The following TSPAN7 variants were observed in gnomAD, a reference collection of about 807,000 sequenced individuals.
TSPAN7 encodes the protein tetraspanin-7.
A neutral mutation model predicts 17.6 loss-of-function variants in TSPAN7; 1 was observed. The ratio of observed to expected loss-of-function variants is 0.06; its 90% CI spans 0.02 to 0.27. The LOEUF (loss-of-function observed/expected upper bound fraction) is 0.27. Ranked by LOEUF, TSPAN7 falls within the 10% of genes least tolerant of loss-of-function variation. The pLI is 1.00. For synonymous variants in TSPAN7, 78 were observed against 79.0 expected (o/e 0.99, Z 0.07); for missense variants, 112 against 201.7 (o/e 0.56, Z 2.69).
chrX:38,659,037 CA>C (rs1324384575), intron 1 of TSPAN7, among the ~76,000 whole-genome samples: 12 of 89,454 alleles, frequency 1.3e-4, no homozygotes, highest in East Asian at 7.9e-4. Context: ...CACACACACA[CA>C]CCCACAGACG....
intron 1 of TSPAN7, among the ~76,000 whole-genome samples, chrX:38,610,196 G>T (rs1487309048): frequency 1.8e-5 from 2 of 111,412 alleles, no homozygotes; most frequent in African/African-American, 6.5e-5. Context: ...ATACCATTTT[G>T]TGATCTATGG....
At chrX:38,678,465 AC>A (rs757505954) in intron 5 of TSPAN7, among the ~76,000 whole-genome samples, 3 of 111,672 alleles carry the variant, frequency 2.7e-5, no homozygotes, top group Non-Finnish European at 3.8e-5. Context: ...ACACCTGACA[AC>A]CGACTTTCAT....
intron 1 of TSPAN7, among the ~76,000 whole-genome samples, chrX:38,614,998 T>G (rs1212947256): frequency 9.0e-6 from 1 of 111,674 alleles, no homozygotes; most frequent in East Asian, 2.8e-4. Flanking sequence ...TATTCTTTTT[T>G]TTTTTGTAAA....
At chrX:38,628,187 G>A (rs1003988325) in intron 1 of TSPAN7, among the ~76,000 whole-genome samples, 1 of 112,606 alleles carries the variant, frequency 8.9e-6, no homozygotes, top group Non-Finnish European at 1.9e-5. Flanking sequence ...CCCGCTGTGG[G>A]GCATGGGAGC....
intron 1 of TSPAN7, among the ~76,000 whole-genome samples, chrX:38,621,345 T>C (rs1365113748): frequency 8.9e-6 from 1 of 112,335 alleles, no homozygotes; most frequent in Non-Finnish European, 1.9e-5. Context: ...TTGGTAGTCT[T>C]TTTAACTTTT....
chrX:38,679,114 C>CA (rs1228533567), intron 5 of TSPAN7, among the ~76,000 whole-genome samples: 2 of 111,926 alleles, frequency 1.8e-5, no homozygotes, highest in Non-Finnish European at 3.8e-5. Context: ...GTGGCCTTAC[C>CA]AAAAATAATG....
intron 1 of TSPAN7, among the ~76,000 whole-genome samples, chrX:38,663,317 G>A (rs1054436548): frequency 2.7e-5 from 3 of 112,083 alleles, no homozygotes; most frequent in East Asian, 2.8e-4. Context: ...ACCAAACATC[G>A]TATGTTCTCA....
At chrX:38,646,887 G>T (rs901261931) in intron 1 of TSPAN7, among the ~76,000 whole-genome samples, 1 of 111,831 alleles carries the variant, frequency 8.9e-6, no homozygotes, top group Non-Finnish European at 1.9e-5. Context: ...AAAACAGATT[G>T]TCTCAGTTCA....
intron 1 of TSPAN7, among the ~76,000 whole-genome samples, chrX:38,655,146 G>T (rs767218376): frequency 9.0e-6 from 1 of 111,260 alleles, no homozygotes; most frequent in African/African-American, 3.3e-5. Context: ...GCAAAGTCAC[G>T]TATTATTGGA....
chrX:38,596,597 T>C (rs2069319945), intron 1 of TSPAN7, among the ~76,000 whole-genome samples: 1 of 111,444 alleles, frequency 9.0e-6, no homozygotes, highest in African/African-American at 3.3e-5. Flanking sequence ...ATCTACACCC[T>C]TGCTACCCGA....
intron 1 of TSPAN7, among the ~76,000 whole-genome samples, chrX:38,642,135 C>G (rs1157817145): frequency 1.8e-5 from 2 of 111,636 alleles, no homozygotes; most frequent in East Asian, 2.8e-4. Context: ...TCTCTTCAAC[C>G]CTGTCTGCAG....
At chrX:38,659,001 TACACACACACACACACACAC>T (rs71903430) in intron 1 of TSPAN7, among the ~76,000 whole-genome samples, 16 of 96,158 alleles carry the variant, frequency 1.7e-4, no homozygotes, top group African/African-American at 5.1e-4. Context: ...TTATCTTCCA[TACACACACACACACACACAC>T]ACACACACAC....
At chrX:38,561,729 A>C in intron 1 of TSPAN7, 102 bp downstream of exon 1, 2 of 704,088 alleles carry the variant, frequency 2.8e-6, no homozygotes, top group Non-Finnish European at 4.2e-6. Context: ...CCAAAAATCA[A>C]ATCTGGGACC....
intron 4 of TSPAN7, among the ~76,000 whole-genome samples, chrX:38,674,946 T>C (rs1196474501): frequency 8.9e-6 from 1 of 112,312 alleles, no homozygotes; most frequent in Admixed American, 9.4e-5. Context: ...GTCTTTTTTC[T>C]AATTTATTTT....
At chrX:38,578,140 A>G (rs1284808450) in intron 1 of TSPAN7, among the ~76,000 whole-genome samples, 1 of 111,093 alleles carries the variant, frequency 9.0e-6, no homozygotes, top group Non-Finnish European at 1.9e-5. Context: ...GAATTAAAGG[A>G]GGGGGTTGGG....
chrX:38,581,351 C>A (rs1426815086), intron 1 of TSPAN7, among the ~76,000 whole-genome samples: 1 of 112,244 alleles, frequency 8.9e-6, no homozygotes, highest in East Asian at 2.8e-4. Context: ...GGAAGCCTCA[C>A]AATCATGGCG....
At chrX:38,650,685 A>G (rs1004143105) in intron 1 of TSPAN7, among the ~76,000 whole-genome samples, 21 of 112,530 alleles carry the variant, frequency 1.9e-4, no homozygotes, top group African/African-American at 6.5e-4. Flanking sequence ...GCTTTCTAAA[A>G]TAAGTTGTTT....
At chrX:38,667,234 A>T (rs1459241680) in intron 2 of TSPAN7, among the ~76,000 whole-genome samples, 1 of 111,793 alleles carries the variant, frequency 8.9e-6, no homozygotes, top group Non-Finnish European at 1.9e-5. Flanking sequence ...CCCAGATGAT[A>T]AGGGCAGACT....
chrX:38,667,347 A>G (rs1230080950), intron 2 of TSPAN7, among the ~76,000 whole-genome samples: 1 of 112,551 alleles, frequency 8.9e-6, no homozygotes. Context: ...ATGGTAAAGG[A>G]TTTTATAGAT....
Sources: gnomAD v4.1 joint callset for allele counts (sites outside exome capture counted in the v4.1 genomes callset) on GRCh38, gnomAD v4.1.1 for gene constraint, MANE v1.5 for transcripts, NCBI Gene and HGNC (gene_info 2026-07-23, HGNC 2026-07-21) for gene names.